The following COX7B2 variants were observed in gnomAD, a reference collection of about 807,000 sequenced individuals.
COX7B2 encodes the protein cytochrome c oxidase subunit 7B2.
For synonymous variants in COX7B2, 37 were observed against 32.1 expected, an observed-to-expected ratio of 1.15 and a Z score of -0.51; for missense variants, 109 against 95.9, an observed-to-expected ratio of 1.14 and a Z score of -0.57.
intron 1 of COX7B2, among the ~76,000 whole-genome samples, chr4:46,846,331 A>C (rs2109767490): frequency 6.6e-6 from 1 of 152,184 alleles, no homozygotes; most frequent in East Asian, 1.9e-4. Flanking sequence ...AGGGACCATA[A>C]ACAATAAATA....
At chr4:46,766,706 G>GAAAAAA (rs57884969) in intron 2 of COX7B2, among the ~76,000 whole-genome samples, 2 of 96,586 alleles carry the variant, frequency 2.1e-5, no homozygotes, top group Admixed American at 2.1e-4. Context: ...GTCTCGAAAA[G>GAAAAAA]AAAAAAAAAA....
At chr4:46,881,777 A>G (rs1718760947) in intron 1 of COX7B2, among the ~76,000 whole-genome samples, 6 of 152,076 alleles carry the variant, frequency 3.9e-5, no homozygotes, top group Admixed American at 3.9e-4. Context: ...TTCCAGCTTG[A>G]GTTTTCTTTA....
At chr4:46,762,946 A>G (rs1460198598) in intron 2 of COX7B2, among the ~76,000 whole-genome samples, 1 of 123,960 alleles carries the variant, frequency 8.1e-6, no homozygotes, top group Non-Finnish European at 1.7e-5. Flanking sequence ...TACCACATAT[A>G]TATGTCATAT....
intron 2 of COX7B2, among the ~76,000 whole-genome samples, chr4:46,794,207 G>A (rs963348396): frequency 2.0e-5 from 3 of 152,184 alleles, no homozygotes; most frequent in South Asian, 2.1e-4. Context: ...GGATGCTAAA[G>A]CTGTGGCTGT....
At chr4:46,825,262 A>C (rs769022223) in intron 2 of COX7B2, among the ~76,000 whole-genome samples, 1 of 152,030 alleles carries the variant, frequency 6.6e-6, no homozygotes, top group Non-Finnish European at 1.5e-5. Flanking sequence ...GCCACATCAG[A>C]AAGGCAATCC....
At chr4:46,737,465 G>A (rs1714436041) in intron 2 of COX7B2, among the ~76,000 whole-genome samples, 1 of 151,974 alleles carries the variant, frequency 6.6e-6, no homozygotes, top group Non-Finnish European at 1.5e-5. Flanking sequence ...GAGCAAGGGA[G>A]GTAACTGCAT....
chr4:46,791,407 G>C (rs1345323499), intron 2 of COX7B2, among the ~76,000 whole-genome samples: 4 of 152,140 alleles, frequency 2.6e-5, no homozygotes, highest in Non-Finnish European at 4.4e-5. Context: ...AAAAGTGATT[G>C]GTTTTAAGTT....
chr4:46,860,853 A>G (rs1717295609), intron 1 of COX7B2, among the ~76,000 whole-genome samples: 1 of 152,174 alleles, frequency 6.6e-6, no homozygotes, highest in Admixed American at 6.5e-5. Flanking sequence ...GGGGACCCTG[A>G]GACATCAGAG....
At chr4:46,839,168 C>T (rs1015636059) in intron 2 of COX7B2, among the ~76,000 whole-genome samples, 8 of 150,612 alleles carry the variant, frequency 5.3e-5, no homozygotes, top group African/African-American at 1.7e-4. Flanking sequence ...TATTTTTGTG[C>T]TCTCTTGAGG....
chr4:46,808,964 ATCAGAGAAATTGG>A (rs1719147365), intron 2 of COX7B2, among the ~76,000 whole-genome samples: 1 of 151,854 alleles, frequency 6.6e-6, no homozygotes, highest in Non-Finnish European at 1.5e-5. Context: ...ATCACTGTTC[ATCAGAGAAATTGG>A]TCTGTAGTTT....
intron 2 of COX7B2, among the ~76,000 whole-genome samples, chr4:46,784,897 T>TATC (rs1178584284): frequency 6.6e-6 from 1 of 152,236 alleles, no homozygotes; most frequent in Non-Finnish European, 1.5e-5. Flanking sequence ...CCTGATAGGT[T>TATC]ATCATATTTC....
At chr4:46,859,877 G>A (rs1200857217) in intron 1 of COX7B2, among the ~76,000 whole-genome samples, 2 of 152,194 alleles carry the variant, frequency 1.3e-5, no homozygotes, top group East Asian at 3.8e-4. Context: ...AATACAGCTA[G>A]TCAACAGCCT....
intron 2 of COX7B2, among the ~76,000 whole-genome samples, chr4:46,786,088 G>A: frequency 6.6e-6 from 1 of 150,638 alleles, no homozygotes; most frequent in South Asian, 2.1e-4. Context: ...CACATTCTTT[G>A]ATTAAAAAAA....
chr4:46,900,625 T>C (rs1324691326), intron 1 of COX7B2, among the ~76,000 whole-genome samples: 15 of 152,194 alleles, frequency 9.9e-5, no homozygotes, highest in Admixed American at 9.8e-4. Context: ...CAAAATTCAT[T>C]TGTTGACATT....
intron 2 of COX7B2, among the ~76,000 whole-genome samples, chr4:46,820,658 C>T (rs1429579980): frequency 6.6e-6 from 1 of 151,826 alleles, no homozygotes; most frequent in Non-Finnish European, 1.5e-5. Context: ...CCCGTCTCTA[C>T]TAAAAATACA....
chr4:46,899,214 A>G (rs1454364083), intron 1 of COX7B2, among the ~76,000 whole-genome samples: 1 of 152,108 alleles, frequency 6.6e-6, no homozygotes, highest in East Asian at 1.9e-4. Context: ...AAAATATACT[A>G]TATTATACTG....
intron 2 of COX7B2, among the ~76,000 whole-genome samples, chr4:46,836,089 G>A (rs1432491790): frequency 6.6e-6 from 1 of 152,148 alleles, no homozygotes; most frequent in Non-Finnish European, 1.5e-5. Flanking sequence ...GTGAGTGAGT[G>A]CTGAGTGAGT....
intron 2 of COX7B2, among the ~76,000 whole-genome samples, chr4:46,835,824 C>T (rs1715479387): frequency 6.6e-6 from 1 of 152,134 alleles, no homozygotes. Context: ...TTTACACAGC[C>T]TCAATCATAC....
chr4:46,879,116 T>C (rs185885075), intron 1 of COX7B2, among the ~76,000 whole-genome samples: 155 of 152,192 alleles, frequency 1.0e-3, no homozygotes, highest in Non-Finnish European at 1.6e-3. Flanking sequence ...TTTCTCCTTT[T>C]CTTGATTTTT....
Sources: allele counts gnomAD v4.1 joint callset (sites outside exome capture counted in the v4.1 genomes callset), GRCh38; gene constraint gnomAD v4.1.1; transcripts MANE v1.5; gene names NCBI Gene and HGNC (gene_info 2026-07-23, HGNC 2026-07-21).